The following SRSF6 variants were observed in gnomAD, a reference collection of about 807,000 sequenced individuals.
The protein encoded by SRSF6 is serine/arginine-rich splicing factor 6.
In SRSF6, 17 loss-of-function variants were observed where a neutral mutation model predicts 42.0. The ratio of observed to expected loss-of-function variants is 0.40; its 90% CI spans 0.28 to 0.61. The LOEUF is 0.61. Ranked by LOEUF, SRSF6 falls within the 20% of genes least tolerant of loss-of-function variation. The probability of loss-of-function intolerance (pLI) is 0.37; values close to 1 mark genes in which losing one functional copy is unlikely to be tolerated. For missense variants in SRSF6, 379 were observed against 471.4 expected, an observed-to-expected ratio of 0.80 and a Z score of 1.81; for synonymous variants, 204 against 166.7, an observed-to-expected ratio of 1.22 and a Z score of -1.72.
At position 43,461,053 on chromosome 20, in the gene SRSF6, C is replaced by A; in HGVS notation, c.1025C>A (p.Ser342Tyr). The part of the protein sequence containing the change: ...SKSRSRSRSS[S>Y]RD ...TCAAGATCAAGGTCCAGGTCGAGTT[C>A]CAGAGATTAACTCAGAACTCCTTGT... The change falls in exon 6 of 6, where the codon TCC (serine) becomes TAC (tyrosine). Residue 342 changes from serine (S) to tyrosine (Y), a missense_variant. This residue lies in a region of SRSF6 where 219 missense variants were observed against 216.1 expected (regional missense o/e 1.01). Transcript: ENST00000244020. 6.3e-7 allele frequency: 1 copy of A among 1,578,260 alleles called. No individual in the cohort carries two copies. The highest frequency in any genetic ancestry group is 8.6e-7 in the Non-Finnish European group (1 of 1,164,410).
intron 1 of SRSF6, 53 bp downstream of exon 1, chr20:43,458,193 G>A: frequency 1.9e-6 from 3 of 1,574,208 alleles, no homozygotes; most frequent in East Asian, 2.3e-5. Context: ...GTGGCGGCGG[G>A]AACTCTCCAA....
intron 4 of SRSF6, 46 bp from the exon 5 acceptor site, chr20:43,460,469 T>G (rs1208806533): frequency 1.3e-6 from 2 of 1,593,102 alleles, no homozygotes; most frequent in Admixed American, 3.4e-5. Context: ...CACGGATGTA[T>G]TTAAGTTGGA....
rs1220912753 is a variant in SRSF6, at chr20:43,462,887, A to G, written c.*1824A>G. 6.6e-6 allele frequency: 1 copy of G among 152,654 alleles called. No individual in the cohort carries two copies. The highest frequency in any genetic ancestry group is 2.4e-5 in the African/African-American group (1 of 41,464). The allele number at this position is 152,654 out of a possible 1,614,324, so 9.5% of individuals were successfully genotyped here. A position where few individuals can be genotyped will look rare whatever the true frequency, so the allele number is the denominator to read the frequency against. ...TAAACCTCAGAATTTAAGGAAAGAA[A>G]ATGATGTCTGTTGTTATAGTTCATT... is the stretch of plus-strand genomic sequence containing the variant. On this transcript the variant is annotated 3_prime_UTR_variant, in exon 6 of 6. Coordinates refer to ENST00000244020, the MANE Select transcript of SRSF6 (RefSeq NM_006275.6).
intron 2 of SRSF6, 47 bp from the exon 3 acceptor site, chr20:43,459,724 G>GT (rs1568900131): frequency 6.2e-7 from 1 of 1,611,520 alleles, no homozygotes; most frequent in Admixed American, 1.7e-5. Flanking sequence ...GACATTATGC[G>GT]TTTTTATCAT....
Position 43,458,075 on chromosome 20 carries a change from G to C in SRSF6, c.42G>C (p.Arg14=), listed in dbSNP as rs142881144. 4 of 1,613,336 alleles carry C rather than the reference G, an allele frequency of 2.5e-6. No homozygotes were observed. Among genetic ancestry groups the C allele is most frequent in the African/African-American group, 1.3e-5 (1 of 74,850 alleles). The part of the protein sequence containing the change: ...VYIGRLSYNV[R]EKDIQRFFSG... ...TAGGACGCCTGAGCTACAACGTCCGGGAGAAGGACATCCAGCGCTTTTTCA... is the reference window on the plus strand; with the variant it reads ...TAGGACGCCTGAGCTACAACGTCCGCGAGAAGGACATCCAGCGCTTTTTCA... Residue 14 remains arginine, a synonymous_variant, in exon 1 of 6, where the codon CGG becomes CGC. Transcript: ENST00000244020.
intron 2 of SRSF6, 126 bp downstream of exon 2, chr20:43,458,635 C>T (rs2017538936): frequency 1.0e-6 from 1 of 992,260 alleles, no homozygotes; most frequent in Non-Finnish European, 1.4e-6. Flanking sequence ...TCCCCGAGCC[C>T]CGCTGCCTTC....
In SRSF6 at chr20:43,462,972, T is replaced by G. The variant is rs1391091198; in HGVS notation, c.*1909T>G. The G allele has an allele frequency of 6.5e-6, 1 of 152,672 alleles. No individual in the cohort carries two copies. The highest frequency in any genetic ancestry group is 6.5e-5 in the Admixed American group (1 of 15,284). The allele number at this position is 152,672 out of a possible 1,614,324, so 9.5% of individuals were successfully genotyped here. On this transcript the variant is annotated 3_prime_UTR_variant, in exon 6 of 6. Coordinates refer to ENST00000244020, the MANE Select transcript of SRSF6 (RefSeq NM_006275.6). The stretch of plus-strand genomic sequence containing the variant: ...AAATTGGCTTTGACCAAAGTTCTCT[T>G]GTTTTCAGGGAAAGAACATAAAAGC...
chr20:43,460,372 GTTC>G (rs1180814992), intron 4 of SRSF6, 131 bp downstream of exon 4: 5 of 1,239,298 alleles, frequency 4.0e-6, no homozygotes, highest in African/African-American at 3.0e-5. Flanking sequence ...GCATCATTGC[GTTC>G]TTTTCTGGAT....
chr20:43,458,517 C>A lies in SRSF6; in HGVS notation c.256+8C>A. 6.7e-7 allele frequency: 1 copy of A among 1,488,016 alleles called. No individual in the cohort carries two copies. The highest frequency in any genetic ancestry group is 8.9e-7 in the Non-Finnish European group (1 of 1,126,670). 92.2% of individuals were successfully genotyped at this position (1,488,016 alleles called of 1,614,324 possible). On this transcript the variant is annotated splice_region_variant and intron_variant, in intron 2 of 5. Coordinates refer to ENST00000244020, the MANE Select transcript of SRSF6 (RefSeq NM_006275.6). ...ACAGCTACGGAAGCCGCAGTGAGTC[C>A]CACCCCCGCGCGCTCCGCGCCCTTG... is the stretch of plus-strand genomic sequence containing the variant.
Position 43,461,624 on chromosome 20 carries a change from G to GT in SRSF6, c.*562dup, listed in dbSNP as rs1258487120. The GT allele has an allele frequency of 6.6e-6, 1 of 152,440 alleles. No individual in the cohort carries two copies. The highest frequency in any genetic ancestry group is 1.5e-5 in the Non-Finnish European group (1 of 68,012). 9.4% of individuals were successfully genotyped at this position (152,440 alleles called of 1,614,324 possible). On this transcript the variant is annotated 3_prime_UTR_variant, in exon 6 of 6. Transcript: ENST00000244020. ...GATATCTGCCATTTGTGGAAACAAC[G>GT]TAAATTCTACTTAAGTGTAAACAAG...
chr20:43,459,265 C>T (rs772999531), intron 2 of SRSF6: 24 of 1,351,980 alleles, frequency 1.8e-5, no homozygotes, highest in East Asian at 4.5e-5. Flanking sequence ...TTTGGCTGAC[C>T]TTACCGGAAG....
rs1364100758 is a variant in SRSF6 at position 43,461,395 on chromosome 20, T to C, written c.*332T>C. 6.2e-5 allele frequency: 12 copies of C among 193,168 alleles called. No individual in the cohort carries two copies. The highest frequency in any genetic ancestry group is 1.9e-4 in the Admixed American group (3 of 15,596). 12.0% of individuals were successfully genotyped at this position (193,168 alleles called of 1,614,324 possible). ...TTTTTAGTATTTCAGCAGGATCTGCTGGCAGGGTTTTTTTGTTTTATTTGT... is the reference window on the plus strand; with the variant it reads ...TTTTTAGTATTTCAGCAGGATCTGCCGGCAGGGTTTTTTTGTTTTATTTGT... On this transcript the variant is annotated 3_prime_UTR_variant, in exon 6 of 6. Coordinates refer to ENST00000244020, the MANE Select transcript of SRSF6 (RefSeq NM_006275.6).
chr20:43,460,045 C>T lies in SRSF6; in HGVS notation c.394C>T (p.Gln132Ter), dbSNP rs1470722729. ...TCTTGTCTTTCAGGATTTTATGCGACAAGCAGGTGAAGTAACCTATGCGGA... is the reference window on the plus strand; with the variant it reads ...TCTTGTCTTTCAGGATTTTATGCGATAAGCAGGTGAAGTAACCTATGCGGA... ...SWQDLKDFMR[Q>*]AGEVTYADAH... Residue 132 changes from glutamine (Q) to a stop codon, truncating the protein, a stop_gained, in exon 4 of 6, where the codon CAA becomes TAA. Coordinates refer to ENST00000244020, the MANE Select transcript of SRSF6 (RefSeq NM_006275.6). LOFTEE classifies it high-confidence loss of function. 1 of 1,614,090 alleles carries T rather than the reference C, an allele frequency of 6.2e-7. No homozygotes were observed. Among genetic ancestry groups the T allele is most frequent in the Non-Finnish European group, 8.5e-7 (1 of 1,180,052 alleles).
At position 43,461,334 on chromosome 20, in the gene SRSF6, G is replaced by GTTTTTTTTTTTTTTTTTTTTTTTTTTT. The variant is rs1196378267; in HGVS notation, c.*273_*274insTTTTTTTTTTTTTTTTTTTTTTTTTTT. Reference sequence around the variant, plus strand: ...TTTGTAAAGATTAAGCTCATTTAGTGTTGTTTTTTTTTTTTTTTTTTTTTT... The same window carrying GTTTTTTTTTTTTTTTTTTTTTTTTTTT: ...TTTGTAAAGATTAAGCTCATTTAGTGTTTTTTTTTTTTTTTTTTTTTTTTTTTTTGTTTTTTTTTTTTTTTTTTTTTT... On this transcript the variant is annotated 3_prime_UTR_variant, in exon 6 of 6. Coordinates refer to ENST00000244020, the MANE Select transcript of SRSF6 (RefSeq NM_006275.6). 1.1e-4 allele frequency: 6 copies of GTTTTTTTTTTTTTTTTTTTTTTTTTTT among 56,458 alleles called. 1 individual carries two copies. The highest frequency in any genetic ancestry group is 3.7e-4 in the African/African-American group (5 of 13,540). The allele number at this position is 56,458 out of a possible 1,614,324, so 3.5% of individuals were successfully genotyped here.
In SRSF6 at chr20:43,462,435, G is replaced by A. The variant is rs1046068636; in HGVS notation, c.*1372G>A. On this transcript the variant is annotated 3_prime_UTR_variant, in exon 6 of 6. Coordinates refer to ENST00000244020, the MANE Select transcript of SRSF6 (RefSeq NM_006275.6). ...TAAAAGCATTTATTAATCTTAGTCT[G>A]AAATCAAAATATAGATTAATTGGCT... is the stretch of plus-strand genomic sequence containing the variant. The A allele has an allele frequency of 6.6e-6, 1 of 152,158 alleles. No homozygotes were observed. Among genetic ancestry groups the A allele is most frequent in the East Asian group, 1.9e-4 (1 of 5,200 alleles). The allele number at this position is 152,158 out of a possible 1,614,324, so 9.4% of individuals were successfully genotyped here. A position where few individuals can be genotyped will look rare whatever the true frequency, so the allele number is the denominator to read the frequency against.
At chr20:43,459,073 T>C (rs2017546162) in intron 2 of SRSF6, 1 of 1,282,534 alleles carries the variant, frequency 7.8e-7, no homozygotes, top group Admixed American at 2.2e-5. Flanking sequence ...GATTTTTGGT[T>C]ATGTTAAATG....
intron 2 of SRSF6, 88 bp from the exon 3 acceptor site, chr20:43,459,678 TAAATA>T: frequency 6.3e-7 from 1 of 1,580,588 alleles, no homozygotes; most frequent in Non-Finnish European, 8.6e-7. Context: ...CCTACTCCAG[TAAATA>T]AAAGTTGATA....
At chr20:43,458,617 C>T (rs1346235029) in intron 2 of SRSF6, 108 bp downstream of exon 2, 3 of 1,150,726 alleles carry the variant, frequency 2.6e-6, no homozygotes, top group African/African-American at 1.7e-5. Flanking sequence ...GGTCGTTTGA[C>T]TTGGGTGTCC....
intron 3 of SRSF6, 56 bp downstream of exon 3, chr20:43,459,951 C>T: frequency 1.2e-6 from 2 of 1,602,394 alleles, no homozygotes; most frequent in East Asian, 2.2e-5. Context: ...AAGTAAACTC[C>T]TTTTATATTC....
Sources: gnomAD v4.1 joint callset for allele counts on GRCh38, gnomAD v4.1.1 for gene constraint, gnomAD v4.1.1 regional missense constraint, MANE v1.5 for transcripts, NCBI Gene and HGNC (gene_info 2026-07-23, HGNC 2026-07-21) for gene names.